Variants in TRAPPC10 observed in about 807,000 individuals in gnomAD.
The protein encoded by TRAPPC10 is TRAPP 130 kDa subunit.
Under a neutral mutation model 125.5 loss-of-function variants are expected in TRAPPC10, and 23 were observed. That is an observed-to-expected ratio of 0.18 (90% CI 0.13 to 0.26). The LOEUF (loss-of-function observed/expected upper bound fraction) is 0.26. TRAPPC10 is among the 10% of genes least tolerant of loss of function. The pLI, the probability that TRAPPC10 is intolerant of heterozygous loss-of-function variation, is 1.00. For synonymous variants in TRAPPC10, 509 were observed against 518.0 expected, an observed-to-expected ratio of 0.98 and a Z score of 0.24; for missense variants, 1,123 against 1,308.4, an observed-to-expected ratio of 0.86 and a Z score of 2.19.
chr21:44,093,988 T>C, intron 19 of TRAPPC10, 75 bp from the exon 20 acceptor site: 2 of 1,467,282 alleles, frequency 1.4e-6, no homozygotes, highest in Non-Finnish European at 1.9e-6. Context: ...GCATGGCGTG[T>C]GTTTCGCTGC....
intron 7 of TRAPPC10, among the ~76,000 whole-genome samples, chr21:44,066,115 A>G (rs936070595): frequency 6.6e-6 from 1 of 152,190 alleles, no homozygotes; most frequent in African/African-American, 2.4e-5. Flanking sequence ...TGCCACTGTC[A>G]GTTGCAGATC....
chr21:44,074,519 G>A, intron 8 of TRAPPC10, 49 bp downstream of exon 8: 2 of 1,610,062 alleles, frequency 1.2e-6, no homozygotes, highest in East Asian at 2.2e-5. Context: ...CTGCGGCCAT[G>A]CCTGGGTGGC....
intron 5 of TRAPPC10, 85 bp downstream of exon 5, chr21:44,055,978 A>AAGG: frequency 8.1e-7 from 1 of 1,230,318 alleles, no homozygotes; most frequent in Non-Finnish European, 1.1e-6. Flanking sequence ...CTTTCTAAGT[A>AAGG]AGGCACCTCT....
Position 44,087,976 on chromosome 21 carries a change from C to A in TRAPPC10, c.2769+48C>A. 6.6e-7 allele frequency: 1 copy of A among 1,518,284 alleles called. No homozygotes were observed. The highest frequency in any genetic ancestry group is 1.2e-5 in the South Asian group (1 of 85,544). 94.1% of individuals were successfully genotyped at this position (1,518,284 alleles called of 1,614,324 possible). ...CTTAGCTTGTGGGGCGTCCGCCGCC[C>A]GCCTGCCTGCTGGGAAAGGCGATGT... On this transcript the variant is annotated intron_variant, in intron 17 of 22. Transcript: ENST00000291574. The surrounding 1 kb of genome is among the most constrained non-coding windows in gnomAD (Gnocchi z 4.6).
In TRAPPC10 at chr21:44,022,514, A is replaced by G. The variant is rs574614726; in HGVS notation, c.68-9577A>G. Among the ~76,000 whole-genome samples, 227 of 122,036 alleles carry G rather than the reference A, an allele frequency of 1.9e-3. 2 individuals carry two copies. The highest frequency in any genetic ancestry group is 7.3e-3 in the African/African-American group (217 of 29,700). The allele number at this position is 122,036 out of a possible 152,430, so 80.1% of individuals were successfully genotyped here. On this transcript the variant is annotated intron_variant, in intron 1 of 22. Transcript: ENST00000291574. ...TTGTTAGTAGAGATGGGGTTTCTCCATGTTGGTCAGGCTTATCTCGAACTC... is the reference window on the plus strand; with the variant it reads ...TTGTTAGTAGAGATGGGGTTTCTCCGTGTTGGTCAGGCTTATCTCGAACTC...
chr21:44,017,374 TGTG>T (rs1236303922), intron 1 of TRAPPC10, among the ~76,000 whole-genome samples: 1 of 151,900 alleles, frequency 6.6e-6, no homozygotes, highest in African/African-American at 2.4e-5. Flanking sequence ...TTGAGAAGGG[TGTG>T]TAAAGCACTC....
At chr21:44,064,625 A>G (rs1402783158) in intron 7 of TRAPPC10, among the ~76,000 whole-genome samples, 1 of 152,122 alleles carries the variant, frequency 6.6e-6, no homozygotes, top group Non-Finnish European at 1.5e-5. Flanking sequence ...AAACAAGAAA[A>G]CGGAGTCTGG....
intron 7 of TRAPPC10, among the ~76,000 whole-genome samples, chr21:44,067,229 C>T (rs2036518071): frequency 1.3e-5 from 2 of 152,284 alleles, no homozygotes; most frequent in Admixed American, 1.3e-4. Flanking sequence ...CTGTGTGTGG[C>T]CAACCTGCAG....
chr21:44,094,808 CTTTCT>C (rs2038816321), intron 20 of TRAPPC10, among the ~76,000 whole-genome samples: 1 of 152,016 alleles, frequency 6.6e-6, no homozygotes, highest in Non-Finnish European at 1.5e-5. Flanking sequence ...TTTTGTGATA[CTTTCT>C]TTTCTTCTCT....
intron 3 of TRAPPC10, among the ~76,000 whole-genome samples, chr21:44,047,763 T>G (rs939026946): frequency 3.3e-5 from 5 of 152,356 alleles, no homozygotes; most frequent in Admixed American, 6.5e-5. Context: ...GGTTTTCATC[T>G]CTAAAAGTTC....
chr21:44,032,036 T>G, intron 1 of TRAPPC10, 55 bp from the exon 2 acceptor site: 2 of 1,431,856 alleles, frequency 1.4e-6, no homozygotes, highest in Non-Finnish European at 2.0e-6. Flanking sequence ...CTAGAGCCAT[T>G]TTGCATGTAT....
intron 3 of TRAPPC10, among the ~76,000 whole-genome samples, chr21:44,042,828 A>G (rs2034511609): frequency 6.6e-6 from 1 of 152,184 alleles, no homozygotes; most frequent in African/African-American, 2.4e-5. Context: ...TACAACTTAC[A>G]GTTTTTATGG....
chr21:44,032,537 C>T (rs898938833), intron 2 of TRAPPC10, among the ~76,000 whole-genome samples: 4 of 152,062 alleles, frequency 2.6e-5, no homozygotes, highest in South Asian at 2.1e-4. Flanking sequence ...TGTGCGCTAC[C>T]GCACCCGGCT....
At chr21:44,061,928 G>A (rs2036089333) in intron 6 of TRAPPC10, among the ~76,000 whole-genome samples, 1 of 152,160 alleles carries the variant, frequency 6.6e-6, no homozygotes, top group South Asian at 2.1e-4. Context: ...CAGGCAGGCT[G>A]GTAATCACAG....
intron 3 of TRAPPC10, among the ~76,000 whole-genome samples, chr21:44,038,962 C>T (rs912499224): frequency 5.9e-5 from 9 of 152,204 alleles, no homozygotes; most frequent in Admixed American, 1.3e-4. Flanking sequence ...CACCAGGCTG[C>T]GCCGTAGGCC....
chr21:44,087,056 A>G lies in TRAPPC10; in HGVS notation c.2539+96A>G. ...GCCTGGCCTTGCTGCCATCCTGCTG[A>G]GCGCCCCTCAACAGTGTCTGGAGTC... On this transcript the variant is annotated intron_variant, in intron 16 of 22. Coordinates refer to ENST00000291574, the MANE Select transcript of TRAPPC10 (RefSeq NM_003274.5). This position sits in a 1 kb window ranked among gnomAD's most constrained non-coding sequence, Gnocchi z 4.6. The G allele has an allele frequency of 1.4e-6, 2 of 1,434,424 alleles. No individual in the cohort carries two copies. Among genetic ancestry groups the G allele is most frequent in the Admixed American group, 3.9e-5 (2 of 51,830 alleles). The allele number at this position is 1,434,424 out of a possible 1,614,324, so 88.9% of individuals were successfully genotyped here.
chr21:44,069,155 C>T (rs560015494), intron 7 of TRAPPC10, among the ~76,000 whole-genome samples: 8 of 152,234 alleles, frequency 5.3e-5, no homozygotes, highest in East Asian at 1.9e-4. Flanking sequence ...ATGCACCAGC[C>T]GTGAAGGAAG....
intron 4 of TRAPPC10, among the ~76,000 whole-genome samples, chr21:44,055,295 T>C (rs1200721207): frequency 1.3e-5 from 2 of 152,086 alleles, no homozygotes; most frequent in Non-Finnish European, 2.9e-5. Context: ...TTTGACTGTT[T>C]ATAGACGGAA....
intron 8 of TRAPPC10, 112 bp downstream of exon 8, chr21:44,074,582 A>G: frequency 1.4e-6 from 2 of 1,425,958 alleles, no homozygotes; most frequent in Non-Finnish European, 1.9e-6. Context: ...ATCACGATGC[A>G]TCCACTTTAG....
Sources: gnomAD v4.1 joint callset for allele counts (sites outside exome capture counted in the v4.1 genomes callset) on GRCh38, gnomAD v4.1.1 for gene constraint, Gnocchi (gnomAD v3.1) non-coding constraint, MANE v1.5 for transcripts, NCBI Gene and HGNC (gene_info 2026-07-23, HGNC 2026-07-21) for gene names.